CCDC30: variants seen among roughly 807,000 people sequenced by gnomAD.
CCDC30 encodes coiled-coil domain-containing protein 30.
A neutral mutation model predicts 100.2 loss-of-function variants in CCDC30; 70 were observed. The observed-to-expected ratio is 0.70, with a 90% CI of 0.58 to 0.85. CCDC30 has a LOEUF of 0.85. Ranked by LOEUF, CCDC30 falls within the 40% of genes least tolerant of loss-of-function variation. The pLI is 0.00. For synonymous variants in CCDC30, 233 were observed against 269.5 expected (o/e 0.86, Z 1.33); for missense variants, 652 against 771.2 (o/e 0.85, Z 1.83).
At chr1:42,484,373 GA>G (rs1327116979) in intron 3 of CCDC30, among the ~76,000 whole-genome samples, 3 of 152,146 alleles carry the variant, frequency 2.0e-5, no homozygotes, top group Non-Finnish European at 2.9e-5. Context: ...TGAACACGAT[GA>G]GAAGCAATAT....
chr1:42,652,471 T>A (rs1648433897), intron 15 of CCDC30, among the ~76,000 whole-genome samples: 1 of 152,200 alleles, frequency 6.6e-6, no homozygotes, highest in South Asian at 2.1e-4. Flanking sequence ...GTATAGGCAC[T>A]TATAATTTGT....
At chr1:42,509,922 T>G (rs1258173801) in intron 6 of CCDC30, 3 of 346,794 alleles carry the variant, frequency 8.7e-6, no homozygotes, top group Non-Finnish European at 1.2e-5. Flanking sequence ...ATGTCAAGCT[T>G]CTGGGTTCCC....
chr1:42,472,382 A>T (rs1205748529), intron 1 of CCDC30, among the ~76,000 whole-genome samples: 1 of 152,216 alleles, frequency 6.6e-6, no homozygotes, highest in Admixed American at 6.5e-5. Context: ...AAAAAAATTG[A>T]TATTGATAGC....
chr1:42,516,497 G>T (rs1248081634), intron 6 of CCDC30, among the ~76,000 whole-genome samples: 1 of 150,754 alleles, frequency 6.6e-6, no homozygotes, highest in African/African-American at 2.4e-5. Flanking sequence ...AACCCAGGAG[G>T]TGGAGGTTGC....
chr1:42,603,478 C>T (rs1427422009), intron 10 of CCDC30, among the ~76,000 whole-genome samples: 2 of 152,200 alleles, frequency 1.3e-5, no homozygotes, highest in African/African-American at 4.8e-5. Flanking sequence ...CAAAATCCAA[C>T]ATCCATTCAC....
At chr1:42,615,628 G>A (rs1422877545) in intron 11 of CCDC30, among the ~76,000 whole-genome samples, 1 of 152,010 alleles carries the variant, frequency 6.6e-6, no homozygotes, top group Non-Finnish European at 1.5e-5. Flanking sequence ...AAAACCCTAC[G>A]ATTCTAAATG....
At chr1:42,464,966 C>G (rs1287009611) in intron 1 of CCDC30, among the ~76,000 whole-genome samples, 1 of 152,098 alleles carries the variant, frequency 6.6e-6, no homozygotes, top group Non-Finnish European at 1.5e-5. Flanking sequence ...AGTTCTGCAG[C>G]CTTTTCAATC....
At position 42,610,969 on chromosome 1, in the gene CCDC30, GT is replaced by G; in HGVS notation, c.1165-4del. On this transcript the variant is annotated splice_polypyrimidine_tract_variant and splice_region_variant and intron_variant, in intron 10 of 16. Transcript: ENST00000668663. ...GTCAGAGTTCTCATTATTTTTCAATGTTTTTCAGCATGTCAAAAGCAACCAG... is the reference window on the plus strand; with the variant it reads ...GTCAGAGTTCTCATTATTTTTCAATGTTTTCAGCATGTCAAAAGCAACCAG... 1 of 1,469,968 alleles carries G rather than the reference GT, an allele frequency of 6.8e-7. No individual in the cohort carries two copies. The highest frequency in any genetic ancestry group is 9.5e-7 in the Non-Finnish European group (1 of 1,057,052). The allele number at this position is 1,469,968 out of a possible 1,614,324, so 91.1% of individuals were successfully genotyped here.
intron 1 of CCDC30, among the ~76,000 whole-genome samples, chr1:42,472,951 CACAT>C (rs1279502153): frequency 1.3e-5 from 2 of 152,100 alleles, no homozygotes; most frequent in Non-Finnish European, 2.9e-5. Flanking sequence ...TATATACATA[CACAT>C]ACATAAGTGT....
intron 11 of CCDC30, among the ~76,000 whole-genome samples, chr1:42,620,991 G>T (rs1343445629): frequency 1.3e-5 from 2 of 152,168 alleles, no homozygotes; most frequent in Admixed American, 6.5e-5. Context: ...GGTAGCCATT[G>T]TCAACCTAAA....
chr1:42,531,804 G>C (rs1031840262), intron 6 of CCDC30, among the ~76,000 whole-genome samples: 3 of 152,122 alleles, frequency 2.0e-5, no homozygotes, highest in Non-Finnish European at 4.4e-5. Context: ...AAAGAACCCT[G>C]TCAAATACAG....
intron 12 of CCDC30, among the ~76,000 whole-genome samples, chr1:42,641,807 A>T (rs572325182): frequency 6.6e-6 from 1 of 152,110 alleles, no homozygotes; most frequent in South Asian, 2.1e-4. Context: ...GTGAGCCGAG[A>T]TATTGCCACT....
At chr1:42,546,622 T>C (rs1645150163) in intron 6 of CCDC30, among the ~76,000 whole-genome samples, 1 of 151,614 alleles carries the variant, frequency 6.6e-6, no homozygotes, top group Non-Finnish European at 1.5e-5. Context: ...TTTTACATAA[T>C]TATGACTATA....
At chr1:42,646,317 G>A in exon 15 of CCDC30, 1 of 1,491,288 alleles carries the variant, frequency 6.7e-7, no homozygotes, top group South Asian at 1.4e-5. Context: ...CTGAGCAGAT[G>A]GTAGGAGAAT....
chr1:42,468,417 C>T (rs1047004452), intron 1 of CCDC30, among the ~76,000 whole-genome samples: 2 of 151,906 alleles, frequency 1.3e-5, no homozygotes, highest in Admixed American at 1.3e-4. Context: ...GGGGGCATCA[C>T]ATTCCTTAAG....
chr1:42,567,744 G>A (rs954551009), intron 7 of CCDC30, among the ~76,000 whole-genome samples: 1 of 151,970 alleles, frequency 6.6e-6, no homozygotes, highest in African/African-American at 2.4e-5. Context: ...CTCCAACTCG[G>A]GACATATTCT....
rs1294812699 is a variant in CCDC30 at position 42,566,396 on chromosome 1, A to T, written c.557A>T (p.Glu186Val). 1.9e-6 allele frequency: 3 copies of T among 1,614,050 alleles called. No homozygotes were observed. In the South Asian group the frequency reaches 3.3e-5, roughly 18 times the overall value. Residue 186 changes from glutamate (E) to valine (V), a missense_variant, in exon 7 of 17, where the codon GAA becomes GTA. Coordinates refer to ENST00000668663, the Ensembl canonical transcript of CCDC30. ...CTCCAGATTCTATGCAACTCAGCTG[A>T]AAATGAGCTTCGATATGAACGAGGG...
At chr1:42,457,409 C>T in the CCDC30 span, 54 of 1,454,970 alleles carry the variant, frequency 3.7e-5, no homozygotes, top group Non-Finnish European at 4.6e-5. Flanking sequence ...GGGTTAATTT[C>T]CTCTTGATCT....
intron 6 of CCDC30, among the ~76,000 whole-genome samples, chr1:42,531,913 T>C (rs1644811970): frequency 6.6e-6 from 1 of 152,164 alleles, no homozygotes; most frequent in African/African-American, 2.4e-5. Context: ...TAGGTATTGT[T>C]CACCCTGATT....
Sources: allele counts gnomAD v4.1 joint callset (sites outside exome capture counted in the v4.1 genomes callset), GRCh38; gene constraint gnomAD v4.1.1; transcripts MANE v1.5; gene names NCBI Gene and HGNC (gene_info 2026-07-23, HGNC 2026-07-21).